The following ITFG1 variants were observed in gnomAD, a reference collection of about 807,000 sequenced individuals.
The protein encoded by ITFG1 is integrin alpha FG-GAP repeat containing 1.
ITFG1 carries 34 observed loss-of-function variants against 81.8 expected under a neutral mutation model. That is an observed-to-expected ratio of 0.42 (90% CI 0.32 to 0.55). The LOEUF (loss-of-function observed/expected upper bound fraction) is 0.55. Ranked by LOEUF, ITFG1 falls within the 20% of genes least tolerant of loss-of-function variation. The pLI, the probability that ITFG1 is intolerant of heterozygous loss-of-function variation, is 0.17. For missense variants in ITFG1, 672 were observed against 755.4 expected, an observed-to-expected ratio of 0.89 and a Z score of 1.29; for synonymous variants, 285 against 270.6, an observed-to-expected ratio of 1.05 and a Z score of -0.52.
intron 10 of ITFG1, among the ~76,000 whole-genome samples, chr16:47,309,392 C>T (rs1261378170): frequency 1.3e-5 from 2 of 151,970 alleles, no homozygotes; most frequent in African/African-American, 4.8e-5. Context: ...TTCTATAGTA[C>T]CAGTGTTAAT....
chr16:47,378,541 C>T (rs2151591522), intron 6 of ITFG1, among the ~76,000 whole-genome samples: 1 of 152,298 alleles, frequency 6.6e-6, no homozygotes, highest in Non-Finnish European at 1.5e-5. Context: ...CCTCTTCTTT[C>T]ATGCATATTT....
chr16:47,243,257 C>A (rs1459457084), intron 12 of ITFG1, among the ~76,000 whole-genome samples: 1 of 151,950 alleles, frequency 6.6e-6, no homozygotes, highest in Non-Finnish European at 1.5e-5. Context: ...CATAAAATAT[C>A]TTAGATACAA....
chr16:47,443,745 C>G (rs973071632), intron 5 of ITFG1, among the ~76,000 whole-genome samples: 3 of 151,894 alleles, frequency 2.0e-5, no homozygotes, highest in Non-Finnish European at 4.4e-5. Context: ...CCGGGGACTG[C>G]TTTGGGGTGG....
At chr16:47,418,793 A>ATGTC (rs1374085691) in intron 6 of ITFG1, among the ~76,000 whole-genome samples, 2 of 152,150 alleles carry the variant, frequency 1.3e-5, no homozygotes, top group Non-Finnish European at 2.9e-5. Context: ...TTTGTAGTAT[A>ATGTC]TGTCTGTAGC....
At chr16:47,375,647 G>T (rs1406217235) in intron 7 of ITFG1, among the ~76,000 whole-genome samples, 1 of 152,190 alleles carries the variant, frequency 6.6e-6, no homozygotes, top group East Asian at 1.9e-4. Context: ...CAGCCTGATT[G>T]GTTTAATTGG....
chr16:47,438,384 C>A (rs1382614226), intron 5 of ITFG1, among the ~76,000 whole-genome samples: 1 of 152,206 alleles, frequency 6.6e-6, no homozygotes, highest in Non-Finnish European at 1.5e-5. Flanking sequence ...AGGCAGACTG[C>A]CTCCTCAAGT....
chr16:47,393,795 C>G (rs944732541), intron 6 of ITFG1, among the ~76,000 whole-genome samples: 1 of 151,944 alleles, frequency 6.6e-6, no homozygotes, highest in East Asian at 1.9e-4. Context: ...AAATACAAGA[C>G]CATGTAATTA....
At chr16:47,396,087 A>C (rs573503503) in intron 6 of ITFG1, 1 of 757,666 alleles carries the variant, frequency 1.3e-6, no homozygotes, top group East Asian at 1.3e-4. Context: ...ACGTGATAGT[A>C]GCAGAAAACA....
At chr16:47,229,643 G>A (rs567738298) in intron 13 of ITFG1, among the ~76,000 whole-genome samples, 1 of 152,086 alleles carries the variant, frequency 6.6e-6, no homozygotes, top group East Asian at 1.9e-4. Context: ...ACAGGACAGA[G>A]AGAAGGGACA....
chr16:47,391,327 A>G (rs1182170530), intron 6 of ITFG1, among the ~76,000 whole-genome samples: 5 of 152,206 alleles, frequency 3.3e-5, no homozygotes, highest in Admixed American at 2.0e-4. Context: ...AAAGACACCT[A>G]TATTTTCACA....
chr16:47,378,875 C>T (rs951170775), intron 6 of ITFG1, among the ~76,000 whole-genome samples: 7 of 152,174 alleles, frequency 4.6e-5, no homozygotes, highest in African/African-American at 1.2e-4. Flanking sequence ...ATAAAGTTCT[C>T]ACCCTCTCAC....
Position 47,180,386 on chromosome 16 carries a change from C to G in ITFG1, c.1454-17722G>C, listed in dbSNP as rs142098146. ...CTCTCCCTCCCCCTCCCCCTCTCCC[C>G]ACGGTCTCCCTCTCCCTCTCTTTCC... On this transcript the variant is annotated intron_variant, in intron 14 of 17. Coordinates refer to ENST00000320640, the MANE Select transcript of ITFG1 (RefSeq NM_030790.5). 2.3e-3 allele frequency among the ~76,000 whole-genome samples: 344 copies of G among 151,980 alleles called. 12 individuals carry two copies. The East Asian group carries it at 0.048, about 21-fold the overall frequency.
At chr16:47,418,217 T>C (rs563454070) in intron 6 of ITFG1, among the ~76,000 whole-genome samples, 23 of 152,178 alleles carry the variant, frequency 1.5e-4, no homozygotes, top group Non-Finnish European at 3.1e-4. Flanking sequence ...CTCTTTTCAA[T>C]AGGATTATTT....
chr16:47,155,773 T>C lies in ITFG1; in HGVS notation c.1785A>G (p.Ala595=). The part of the protein sequence containing the change: ...IGILHWQEKK[A]DDREKRQEAH... ...CTTCTTGTCGTTTTTCTCTATCATC[T>C]GCTTTCTGAAAAAGAATTTTAGACT... Residue 595 remains alanine (A), a synonymous_variant, in exon 18 of 18, where the codon GCA becomes GCG. Transcript: ENST00000320640. 1 of 1,605,610 alleles carries C rather than the reference T, an allele frequency of 6.2e-7. No individual in the cohort carries two copies. Among genetic ancestry groups the C allele is most frequent in the Non-Finnish European group, 8.5e-7 (1 of 1,175,774 alleles).
intron 17 of ITFG1, among the ~76,000 whole-genome samples, chr16:47,158,375 A>C (rs903018695): frequency 6.6e-6 from 1 of 152,136 alleles, no homozygotes; most frequent in Non-Finnish European, 1.5e-5. Context: ...GATTACAGGC[A>C]TGAGCCACCA....
chr16:47,155,655 G>T lies in ITFG1; in HGVS notation c.*64C>A. 1.9e-6 allele frequency: 2 copies of T among 1,046,048 alleles called. No individual in the cohort carries two copies. Among genetic ancestry groups the T allele is most frequent in the Non-Finnish European group, 2.9e-6 (2 of 700,446 alleles). 64.8% of individuals were successfully genotyped at this position (1,046,048 alleles called of 1,614,324 possible). A position where few individuals can be genotyped will look rare whatever the true frequency, so the allele number is the denominator to read the frequency against. On this transcript the variant is annotated 3_prime_UTR_variant, in exon 18 of 18. Transcript: ENST00000320640. ...TATTTAATCTCCCCTATTTTTTCAA[G>T]CCAGAATTTGTGTTTCAACTAATCA...
At chr16:47,232,973 T>C (rs1222849578) in intron 13 of ITFG1, among the ~76,000 whole-genome samples, 3 of 152,124 alleles carry the variant, frequency 2.0e-5, no homozygotes, top group Non-Finnish European at 4.4e-5. Flanking sequence ...TATACTTTCA[T>C]AGATTTTGCA....
intron 10 of ITFG1, among the ~76,000 whole-genome samples, chr16:47,264,846 A>G (rs1333906580): frequency 1.3e-5 from 2 of 152,146 alleles, no homozygotes; most frequent in Non-Finnish European, 2.9e-5. Context: ...ACAGCAGCTG[A>G]GTATTACATT....
At chr16:47,166,456 A>G (rs1348818484) in intron 14 of ITFG1, among the ~76,000 whole-genome samples, 2 of 152,228 alleles carry the variant, frequency 1.3e-5, no homozygotes, top group Non-Finnish European at 2.9e-5. Context: ...ATTTTAGCAT[A>G]GTTTAGTATT....
Sources: allele counts gnomAD v4.1 joint callset (sites outside exome capture counted in the v4.1 genomes callset), GRCh38; gene constraint gnomAD v4.1.1; transcripts MANE v1.5; gene names NCBI Gene and HGNC (gene_info 2026-07-23, HGNC 2026-07-21).